The following ARHGAP22 variants were observed in gnomAD, a reference collection of about 807,000 sequenced individuals.
The protein encoded by ARHGAP22 is rho GTPase-activating protein 22.
Under a neutral mutation model 59.1 loss-of-function variants are expected in ARHGAP22, and 48 were observed. The ratio of observed to expected loss-of-function variants is 0.81; its 90% CI spans 0.64 to 1.03. ARHGAP22 has a LOEUF of 1.03. Ranked by LOEUF, ARHGAP22 falls within the 50% of genes least tolerant of loss-of-function variation. The probability of loss-of-function intolerance (pLI) is 0.00; values close to 1 mark genes in which losing one functional copy is unlikely to be tolerated. For synonymous variants in ARHGAP22, 445 were observed against 416.4 expected (o/e 1.07, Z -0.84); for missense variants, 1,015 against 958.7 (o/e 1.06, Z -0.78).
chr10:48,453,532 TG>T (rs1471894896), intron 7 of ARHGAP22, 107 bp from the exon 8 acceptor site: 4 of 1,535,398 alleles, frequency 2.6e-6, no homozygotes, highest in Non-Finnish European at 3.6e-6. Context: ...CTGCTGCCTG[TG>T]GGCTTTTGCC....
intron 4 of ARHGAP22, among the ~76,000 whole-genome samples, chr10:48,465,520 C>T (rs2047568750): frequency 6.6e-6 from 1 of 152,240 alleles, no homozygotes. Context: ...GGAGCAAGTG[C>T]TTTGAAATGC....
At chr10:48,486,725 T>C (rs138542113) in intron 3 of ARHGAP22, among the ~76,000 whole-genome samples, 3 of 151,992 alleles carry the variant, frequency 2.0e-5, no homozygotes, top group East Asian at 1.9e-4. Context: ...GATTCCCATA[T>C]GGTATTATTT....
chr10:48,542,896 G>A (rs527491759), intron 3 of ARHGAP22, among the ~76,000 whole-genome samples: 6 of 152,140 alleles, frequency 3.9e-5, no homozygotes, highest in Non-Finnish European at 7.4e-5. Context: ...GTTGGTGTCT[G>A]TATGTAGAAA....
intron 2 of ARHGAP22, among the ~76,000 whole-genome samples, chr10:48,573,340 A>T (rs562131055): frequency 6.6e-6 from 1 of 152,364 alleles, no homozygotes; most frequent in South Asian, 2.1e-4. Flanking sequence ...ACTGAGGCTC[A>T]GAGAGTGAAA....
chr10:48,448,320 G>A (rs1046192692), intron 9 of ARHGAP22, among the ~76,000 whole-genome samples: 3 of 152,134 alleles, frequency 2.0e-5, no homozygotes, highest in Admixed American at 6.5e-5. Context: ...CCTCCATGCT[G>A]CTCTATGTTC....
Position 48,450,366 on chromosome 10 carries a change from G to A in ARHGAP22, c.1763C>T (p.Pro588Leu). The A allele has an allele frequency of 1.3e-6, 2 of 1,585,410 alleles. No individual in the cohort carries two copies. The highest frequency in any genetic ancestry group is 1.7e-6 in the Non-Finnish European group (2 of 1,166,434). The change falls in exon 9 of 10, where the codon CCC becomes CTC. Residue 588 changes from proline (P) to leucine (L), a missense_variant. By Grantham distance (98) the Pro-to-Leu change is moderately conservative. Transcript: ENST00000249601. ...GGAGCGGCGCGCGTGTTCCCGGGTG[G>A]GGCTGTCCGGCTCGCTGGGCTCGCT... ...SNSEPSEPDS[P>L]TREHARRSEA...
At chr10:48,632,091 C>T (rs1264729181) in intron 1 of ARHGAP22, among the ~76,000 whole-genome samples, 1 of 152,184 alleles carries the variant, frequency 6.6e-6, no homozygotes, top group African/African-American at 2.4e-5. Context: ...ACACTGTACC[C>T]AATATGTAGT....
At chr10:48,591,263 G>T (rs1470173919) in intron 1 of ARHGAP22, among the ~76,000 whole-genome samples, 1 of 152,204 alleles carries the variant, frequency 6.6e-6, no homozygotes, top group East Asian at 1.9e-4. Flanking sequence ...AAAACCCTGG[G>T]TGTAGGCAAA....
At chr10:48,606,446 G>T (rs1278042060), upstream of ARHGAP22, among the ~76,000 whole-genome samples, 4 of 152,200 alleles carry the variant, frequency 2.6e-5, no homozygotes, top group Non-Finnish European at 5.9e-5. Context: ...CAAGTCACTT[G>T]TTCTGGTCTT....
chr10:48,645,750 TAG>T (rs2062267422), intron 1 of ARHGAP22, among the ~76,000 whole-genome samples: 1 of 152,084 alleles, frequency 6.6e-6, no homozygotes, highest in Non-Finnish European at 1.5e-5. Context: ...AAGGCAGAGG[TAG>T]CCACTTTCTC....
chr10:48,434,232 A>G, the ARHGAP22 span, among the ~76,000 whole-genome samples: 3 of 152,244 alleles, frequency 2.0e-5, no homozygotes, highest in Non-Finnish European at 4.4e-5. Context: ...AGTAGAAATA[A>G]GAAGACCCAA....
chr10:48,450,313 G>A lies in ARHGAP22; in HGVS notation c.1816C>T (p.Leu606Phe), dbSNP rs752571708. 1.9e-6 allele frequency: 3 copies of A among 1,606,986 alleles called. No individual in the cohort carries two copies. The highest frequency in any genetic ancestry group is 2.5e-6 in the Non-Finnish European group (3 of 1,177,310). Residue 606 changes from leucine to phenylalanine, a missense_variant, in exon 9 of 10, where the codon CTC (leucine) becomes TTC (phenylalanine). By Grantham distance (22) the Leu-to-Phe change is conservative (BLOSUM62 0). Transcript: ENST00000249601. ...CGCTGGCGGCACAGCTCGGCCCTGA[G>A]CTCAGTGACCAGCCCCTGTAAGGCC... ...SEALQGLVTELRAELCRQRTE... is the reference protein window; with the variant it reads ...SEALQGLVTEFRAELCRQRTE...
At chr10:48,535,391 T>C (rs2055246188) in intron 3 of ARHGAP22, among the ~76,000 whole-genome samples, 1 of 152,196 alleles carries the variant, frequency 6.6e-6, no homozygotes, top group South Asian at 2.1e-4. Flanking sequence ...AGGCTCCTTC[T>C]AGGACCTCAG....
chr10:48,546,921 G>A (rs751423675), intron 3 of ARHGAP22, among the ~76,000 whole-genome samples: 4 of 152,154 alleles, frequency 2.6e-5, no homozygotes, highest in Non-Finnish European at 4.4e-5. Flanking sequence ...ACAACCCAAG[G>A]TGCTTGGCAA....
At chr10:48,564,994 C>G (rs2057956143) in intron 2 of ARHGAP22, among the ~76,000 whole-genome samples, 1 of 152,214 alleles carries the variant, frequency 6.6e-6, no homozygotes, top group Admixed American at 6.5e-5. Flanking sequence ...AGATTAACAA[C>G]AGCAACAGCG....
At chr10:48,554,821 C>G (rs1229798342) in intron 3 of ARHGAP22, among the ~76,000 whole-genome samples, 1 of 152,154 alleles carries the variant, frequency 6.6e-6, no homozygotes, top group African/African-American at 2.4e-5. Context: ...GCTTTCTTCC[C>G]TTCTCTGACT....
At chr10:48,617,091 A>C (rs969389617) in intron 1 of ARHGAP22, among the ~76,000 whole-genome samples, 2 of 127,196 alleles carry the variant, frequency 1.6e-5, no homozygotes, top group Non-Finnish European at 3.3e-5. Flanking sequence ...ATATATAGAA[A>C]AAAAGTTTTG....
At chr10:48,468,258 C>G (rs1375335878) in intron 4 of ARHGAP22, among the ~76,000 whole-genome samples, 1 of 152,194 alleles carries the variant, frequency 6.6e-6, no homozygotes, top group African/African-American at 2.4e-5. Flanking sequence ...ATCCCTGGAA[C>G]CTGTGGCTGT....
intron 3 of ARHGAP22, among the ~76,000 whole-genome samples, chr10:48,504,752 G>A (rs1200932593): frequency 6.6e-6 from 1 of 152,200 alleles, no homozygotes; most frequent in African/African-American, 2.4e-5. Context: ...GTGTCCAGGG[G>A]AGGGAAGCAG....
Sources: allele counts gnomAD v4.1 joint callset (sites outside exome capture counted in the v4.1 genomes callset), GRCh38; gene constraint gnomAD v4.1.1; transcripts MANE v1.5; gene names NCBI Gene and HGNC (gene_info 2026-07-23, HGNC 2026-07-21).